LARGE1: variants seen among roughly 807,000 people sequenced by gnomAD.
LARGE1 encodes xylosyl- and glucuronyltransferase LARGE1.
In LARGE1, 43 loss-of-function variants were observed where a neutral mutation model predicts 87.6. That is an observed-to-expected ratio of 0.49 (90% CI 0.38 to 0.63). LARGE1 has a LOEUF of 0.63. LARGE1 is among the 30% of genes least tolerant of loss of function. The pLI is 0.00. For synonymous variants in LARGE1, 434 were observed against 394.6 expected (o/e 1.10, Z -1.18); for missense variants, 802 against 1,000.2 (o/e 0.80, Z 2.67).
intron 6 of LARGE1, among the ~76,000 whole-genome samples, chr22:33,536,893 C>A (rs1488327360): frequency 2.0e-5 from 3 of 152,212 alleles, no homozygotes; most frequent in African/African-American, 7.2e-5. Flanking sequence ...CTCACTACAA[C>A]CTCTGCCTCC....
chr22:33,558,583 T>C lies in LARGE1; in HGVS notation c.787+6265A>G, dbSNP rs137868371. Among the ~76,000 whole-genome samples, 27 of 152,284 alleles carry C rather than the reference T, an allele frequency of 1.8e-4. No homozygotes were observed. In the East Asian group the frequency reaches 3.5e-3, roughly 20 times the overall value. On this transcript the variant is annotated intron_variant, in intron 6 of 14. Coordinates refer to ENST00000397394, the MANE Select transcript of LARGE1 (RefSeq NM_133642.5). The stretch of plus-strand genomic sequence containing the variant: ...CCCTTAGATCACCCTGCTGATAAAG[T>C]AGACCAGCAGGGACTTGAAGCTTGG...
chr22:33,679,767 G>A (rs552611984), intron 2 of LARGE1, among the ~76,000 whole-genome samples: 2 of 152,218 alleles, frequency 1.3e-5, no homozygotes, highest in Non-Finnish European at 2.9e-5. Context: ...GCTTGAACCC[G>A]GGAGGCGGAG....
intron 6 of LARGE1, among the ~76,000 whole-genome samples, chr22:33,524,510 G>T (rs954972999): frequency 6.6e-6 from 1 of 151,688 alleles, no homozygotes; most frequent in Non-Finnish European, 1.5e-5. Flanking sequence ...CTCAATCCTG[G>T]GGCCACATAA....
At chr22:33,444,920 C>A (rs1390825091) in intron 6 of LARGE1, among the ~76,000 whole-genome samples, 2 of 152,132 alleles carry the variant, frequency 1.3e-5, no homozygotes. Flanking sequence ...ACCTCCGCCT[C>A]CCAGGTTCAA....
At chr22:33,604,238 T>A (rs544772620) in intron 5 of LARGE1, among the ~76,000 whole-genome samples, 197 bp downstream of exon 5, 7 of 152,210 alleles carry the variant, frequency 4.6e-5, no homozygotes, top group African/African-American at 1.7e-4. Context: ...CAGACCAAAG[T>A]GGATTTTGTG....
chr22:33,149,053 T>G, the LARGE1 span, among the ~76,000 whole-genome samples: 2 of 150,336 alleles, frequency 1.3e-5, no homozygotes, highest in Non-Finnish European at 3.0e-5. Flanking sequence ...TTTTTTTTTT[T>G]TTGAGACAGA....
chr22:33,571,615 C>G (rs992573147), intron 5 of LARGE1, among the ~76,000 whole-genome samples: 2 of 152,134 alleles, frequency 1.3e-5, no homozygotes, highest in Non-Finnish European at 2.9e-5. Context: ...TTGAGATACC[C>G]CAGTAAAGAT....
chr22:33,804,490 A>T (rs759028181), intron 1 of LARGE1, among the ~76,000 whole-genome samples: 1 of 152,194 alleles, frequency 6.6e-6, no homozygotes, highest in Non-Finnish European at 1.5e-5. Context: ...TGAGACGCAC[A>T]TATCAAAAGG....
intron 6 of LARGE1, among the ~76,000 whole-genome samples, chr22:33,463,331 TAG>T (rs1260109465): frequency 6.6e-6 from 1 of 151,656 alleles, no homozygotes; most frequent in African/African-American, 2.4e-5. Flanking sequence ...GTATTCAAAA[TAG>T]ACAAAAAACA....
At chr22:33,457,878 T>C (rs150928331) in intron 6 of LARGE1, among the ~76,000 whole-genome samples, 548 of 152,188 alleles carry the variant, frequency 3.6e-3, no homozygotes, top group Non-Finnish European at 6.4e-3. Flanking sequence ...GCTGTGTGTG[T>C]ATATGGAAAA....
rs7285274 is a variant in LARGE1 at position 33,193,178 on chromosome 22, G to C, written c.1731-26346C>G. 7.4e-3 allele frequency among the ~76,000 whole-genome samples: 1,121 copies of C among 152,144 alleles called. 12 individuals carry two copies. The highest frequency in any genetic ancestry group is 0.026 in the African/African-American group (1,081 of 41,528). On this transcript the variant is annotated intron_variant, in intron 11 of 11. Transcript: ENST00000608642. The stretch of plus-strand genomic sequence containing the variant: ...AGACTGAGAGAGAAGAGTGTGGGTA[G>C]ACAAAGGAATGAAAAAAGTATAGTT...
chr22:33,089,321 T>TTTCTTCTTC, the LARGE1 span, among the ~76,000 whole-genome samples: 3,036 of 86,870 alleles, frequency 0.035, 72 homozygotes, highest in Non-Finnish European at 0.05. Flanking sequence ...TTCTTTCTTC[T>TTTCTTCTTC]TTCTTCTTCT....
chr22:33,906,002 C>A (rs573788995), intron 1 of LARGE1, among the ~76,000 whole-genome samples: 2 of 152,066 alleles, frequency 1.3e-5, no homozygotes, highest in Non-Finnish European at 2.9e-5. Flanking sequence ...TGGTGGCAGG[C>A]GCCTGTAGTC....
At chr22:33,154,501 A>C in the LARGE1 span, among the ~76,000 whole-genome samples, 1 of 152,098 alleles carries the variant, frequency 6.6e-6, no homozygotes, top group Non-Finnish European at 1.5e-5. Flanking sequence ...CAGCCTCCTA[A>C]AGTGTTAGGA....
chr22:33,204,325 GA>G (rs1322609662), intron 11 of LARGE1, among the ~76,000 whole-genome samples: 3 of 152,154 alleles, frequency 2.0e-5, no homozygotes, highest in African/African-American at 7.2e-5. Context: ...TATTATGTCA[GA>G]AGCACAAGAG....
At chr22:33,102,622 T>G in the LARGE1 span, among the ~76,000 whole-genome samples, 4 of 152,332 alleles carry the variant, frequency 2.6e-5, no homozygotes, top group Admixed American at 2.6e-4. Context: ...CTTGAGTAGA[T>G]GGGATCACAG....
chr22:33,841,563 C>T (rs1479862024), intron 1 of LARGE1, among the ~76,000 whole-genome samples: 3 of 152,202 alleles, frequency 2.0e-5, no homozygotes, highest in African/African-American at 4.8e-5. Flanking sequence ...GGAAAGAACA[C>T]ACATACCTCT....
intron 1 of LARGE1, among the ~76,000 whole-genome samples, chr22:33,829,298 C>T (rs775550807): frequency 1.3e-5 from 2 of 152,028 alleles, no homozygotes; most frequent in African/African-American, 4.8e-5. Flanking sequence ...TGTGAGCCAC[C>T]GCACCCGGTC....
At chr22:33,461,325 C>G (rs931678415) in intron 6 of LARGE1, among the ~76,000 whole-genome samples, 3 of 152,050 alleles carry the variant, frequency 2.0e-5, no homozygotes, top group African/African-American at 7.2e-5. Context: ...TAAAATATGT[C>G]CCTAAATTCT....
Sources: allele counts gnomAD v4.1 joint callset (sites outside exome capture counted in the v4.1 genomes callset), GRCh38; gene constraint gnomAD v4.1.1; transcripts MANE v1.5; gene names NCBI Gene and HGNC (gene_info 2026-07-23, HGNC 2026-07-21).